Variants in OXR1 observed in about 807,000 individuals in gnomAD.
The protein encoded by OXR1 is oxidation resistance protein 1.
OXR1 carries 41 observed loss-of-function variants against 104.6 expected under a neutral mutation model. The ratio of observed to expected loss-of-function variants is 0.39; its 90% CI spans 0.31 to 0.51. The LOEUF is 0.51. Among genes scored for constraint, OXR1 ranks in the 20% least tolerant of loss-of-function variants. The pLI, the probability that OXR1 is intolerant of heterozygous loss-of-function variation, is 0.77. For synonymous variants in OXR1, 348 were observed against 348.4 expected (o/e 1.00, Z 0.01); for missense variants, 955 against 1,031.9 (o/e 0.93, Z 1.02).
intron 3 of OXR1, among the ~76,000 whole-genome samples, chr8:106,669,019 T>A (rs965166820): frequency 6.6e-6 from 1 of 152,302 alleles, no homozygotes; most frequent in Middle Eastern, 3.4e-3. Context: ...GCTCTATAGC[T>A]CTTTAATATC....
chr8:106,270,558 G>A (rs1324302088), intron 1 of OXR1, among the ~76,000 whole-genome samples, 191 bp downstream of exon 1: 1 of 152,208 alleles, frequency 6.6e-6, no homozygotes, highest in Non-Finnish European at 1.5e-5. Context: ...GGGGACGACG[G>A]GCAGAGCAGG....
intron 1 of OXR1, among the ~76,000 whole-genome samples, chr8:106,271,117 G>A (rs978497822): frequency 4.6e-5 from 7 of 152,048 alleles, no homozygotes; most frequent in African/African-American, 2.4e-5. Context: ...TGCAGTATCG[G>A]GCGGAGGAAC....
chr8:106,501,911 G>A (rs1009682281), intron 2 of OXR1, among the ~76,000 whole-genome samples: 3 of 152,248 alleles, frequency 2.0e-5, no homozygotes, highest in Non-Finnish European at 4.4e-5. Flanking sequence ...CTAAAGAAAT[G>A]TTAACTGCCA....
At chr8:106,710,512 T>C in intron 9 of OXR1, 110 bp from the exon 10 acceptor site, 1 of 589,548 alleles carries the variant, frequency 1.7e-6, no homozygotes, top group Non-Finnish European at 2.7e-6. Context: ...ACCACTAAAG[T>C]GAGGTTTTAT....
chr8:106,580,858 A>G, intron 3 of OXR1: 1 of 342,034 alleles, frequency 2.9e-6, no homozygotes, highest in Non-Finnish European at 4.1e-6. Context: ...AATATATTTA[A>G]ATATTATCCA....
At chr8:106,448,849 C>T in intron 2 of OXR1, among the ~76,000 whole-genome samples, 1 of 152,112 alleles carries the variant, frequency 6.6e-6, no homozygotes, top group East Asian at 1.9e-4. Flanking sequence ...AATGCATTTT[C>T]TTTTTCGTTA....
At chr8:106,680,058 G>C (rs1301269764) in intron 4 of OXR1, among the ~76,000 whole-genome samples, 1 of 151,916 alleles carries the variant, frequency 6.6e-6, no homozygotes, top group Non-Finnish European at 1.5e-5. Flanking sequence ...TCCAGTCTTG[G>C]TTTGACTCTT....
chr8:106,661,133 AC>A (rs945087268), intron 3 of OXR1, among the ~76,000 whole-genome samples: 1 of 152,046 alleles, frequency 6.6e-6, no homozygotes, highest in Non-Finnish European at 1.5e-5. Context: ...AGCCAAGATC[AC>A]ACCACTGCAC....
At chr8:106,607,611 G>A (rs529262217) in intron 3 of OXR1, among the ~76,000 whole-genome samples, 26 of 152,146 alleles carry the variant, frequency 1.7e-4, no homozygotes, top group Middle Eastern at 3.4e-3. Context: ...TCCTTAAATC[G>A]ATCCTTCTGC....
At chr8:106,702,703 A>G (rs1830692203) in intron 7 of OXR1, among the ~76,000 whole-genome samples, 1 of 152,286 alleles carries the variant, frequency 6.6e-6, no homozygotes, top group Middle Eastern at 3.4e-3. Context: ...TTGGGGAAAT[A>G]TGATATTCTA....
At chr8:106,443,704 GT>G (rs1183256381) in intron 2 of OXR1, among the ~76,000 whole-genome samples, 1 of 152,072 alleles carries the variant, frequency 6.6e-6, no homozygotes, top group Admixed American at 6.6e-5. Context: ...TTTAAAGTCT[GT>G]TTTATAAGAG....
At chr8:106,546,961 G>A (rs991064695) in intron 3 of OXR1, among the ~76,000 whole-genome samples, 9 of 152,006 alleles carry the variant, frequency 5.9e-5, no homozygotes, top group Non-Finnish European at 1.2e-4. Context: ...ATGCAATCTC[G>A]GCTCACTGCA....
At chr8:106,700,967 A>G (rs913743279) in intron 7 of OXR1, among the ~76,000 whole-genome samples, 13 of 152,094 alleles carry the variant, frequency 8.5e-5, no homozygotes, top group African/African-American at 3.1e-4. Flanking sequence ...AGAAACCTTT[A>G]AAGTTGTTTT....
intron 2 of OXR1, among the ~76,000 whole-genome samples, chr8:106,405,564 C>T (rs1434443841): frequency 6.6e-6 from 1 of 152,078 alleles, no homozygotes; most frequent in African/African-American, 2.4e-5. Context: ...CAGAGCCTAG[C>T]CCACCAGAGT....
At chr8:106,672,444 G>A (rs563050265) in intron 3 of OXR1, among the ~76,000 whole-genome samples, 1 of 151,658 alleles carries the variant, frequency 6.6e-6, no homozygotes, top group East Asian at 1.9e-4. Flanking sequence ...CCAAGATCGT[G>A]CCACTGTACT....
chr8:106,404,090 G>A (rs1818115168), intron 2 of OXR1, among the ~76,000 whole-genome samples: 2 of 152,126 alleles, frequency 1.3e-5, no homozygotes, highest in Admixed American at 1.3e-4. Flanking sequence ...TTTCAGATGG[G>A]GGTGGAAAGC....
intron 2 of OXR1, among the ~76,000 whole-genome samples, chr8:106,408,904 A>G (rs913428721): frequency 1.3e-5 from 2 of 152,146 alleles, no homozygotes; most frequent in African/African-American, 4.8e-5. Context: ...ACCTGTAGGT[A>G]ATTAACATTT....
At chr8:106,325,358 C>T (rs902165208) in intron 1 of OXR1, among the ~76,000 whole-genome samples, 18 of 152,064 alleles carry the variant, frequency 1.2e-4, no homozygotes, top group African/African-American at 4.3e-4. Flanking sequence ...CACACTTTTC[C>T]TTCGGAAGAC....
intron 3 of OXR1, among the ~76,000 whole-genome samples, chr8:106,651,008 G>T (rs1334568091): frequency 6.6e-6 from 1 of 152,124 alleles, no homozygotes; most frequent in Non-Finnish European, 1.5e-5. Flanking sequence ...ATAGAAAATT[G>T]CATCATTTCA....
Sources: allele counts gnomAD v4.1 joint callset (sites outside exome capture counted in the v4.1 genomes callset), GRCh38; gene constraint gnomAD v4.1.1; transcripts MANE v1.5; gene names NCBI Gene and HGNC (gene_info 2026-07-23, HGNC 2026-07-21).